Variants in OOSP3 observed in about 807,000 individuals in gnomAD.
OOSP3 encodes oocyte secreted protein family member 3.
chr11:59,896,002 C>G (rs192649147), intron 4 of OOSP3, 131 bp from the exon 5 acceptor site: 20 of 396,220 alleles, frequency 5.0e-5, no homozygotes, highest in East Asian at 7.2e-5. Context: ...ACCCTTCCCT[C>G]TAATCCCTGG....
chr11:59,879,472 A>C (rs1242904833), intron 1 of OOSP3, among the ~76,000 whole-genome samples: 2 of 152,200 alleles, frequency 1.3e-5, no homozygotes, highest in Non-Finnish European at 2.9e-5. Context: ...ATTGGGTAGA[A>C]ATAATACATA....
intron 3 of OOSP3, among the ~76,000 whole-genome samples, chr11:59,894,643 C>A (rs970643636): frequency 2.6e-5 from 4 of 152,204 alleles, no homozygotes; most frequent in Admixed American, 6.5e-5. Flanking sequence ...TCCTGCTTTT[C>A]TCCCATTCCC....
At chr11:59,893,190 G>A (rs1853327554) in intron 2 of OOSP3, among the ~76,000 whole-genome samples, 1 of 151,936 alleles carries the variant, frequency 6.6e-6, no homozygotes, top group Non-Finnish European at 1.5e-5. Flanking sequence ...ATTCTTTTTG[G>A]AAACATTTTA....
intron 2 of OOSP3, among the ~76,000 whole-genome samples, chr11:59,887,531 C>T (rs1853273992): frequency 6.6e-6 from 1 of 152,182 alleles, no homozygotes; most frequent in Non-Finnish European, 1.5e-5. Flanking sequence ...CCAGTTCTCC[C>T]AGCACCATTT....
intron 2 of OOSP3, among the ~76,000 whole-genome samples, chr11:59,893,685 G>A (rs1301589644): frequency 6.6e-6 from 1 of 152,112 alleles, no homozygotes; most frequent in Non-Finnish European, 1.5e-5. Flanking sequence ...TCTCCACAAT[G>A]AGCATGTGTT....
chr11:59,896,070 CCAAGTTTAT>C (rs1370176368), intron 4 of OOSP3, 54 bp from the exon 5 acceptor site: 1 of 397,706 alleles, frequency 2.5e-6, no homozygotes, highest in Non-Finnish European at 4.4e-6. Flanking sequence ...GTTTACTGTG[CCAAGTTTAT>C]CAAGGGGTTA....
intron 2 of OOSP3, among the ~76,000 whole-genome samples, chr11:59,886,545 C>T (rs993595428): frequency 1.3e-5 from 2 of 152,222 alleles, no homozygotes; most frequent in Admixed American, 1.3e-4. Context: ...ACCACACTGT[C>T]TTCCACAATG....
At chr11:59,884,210 G>A (rs1853228342) in intron 2 of OOSP3, among the ~76,000 whole-genome samples, 2 of 152,172 alleles carry the variant, frequency 1.3e-5, no homozygotes, top group South Asian at 4.1e-4. Flanking sequence ...AAGTGAAAAG[G>A]AGGTGGCAAA....
At chr11:59,889,510 A>G (rs542100008) in intron 2 of OOSP3, among the ~76,000 whole-genome samples, 2 of 152,202 alleles carry the variant, frequency 1.3e-5, no homozygotes, top group African/African-American at 4.8e-5. Context: ...TCTTGTTCTC[A>G]TTAGTTTCAA....
At chr11:59,879,505 T>G (rs1853181475) in intron 1 of OOSP3, among the ~76,000 whole-genome samples, 1 of 152,110 alleles carries the variant, frequency 6.6e-6, no homozygotes, top group Admixed American at 6.5e-5. Flanking sequence ...AATTTTGTTA[T>G]TTCTAGTTTT....
At chr11:59,892,127 A>G (rs1853317669) in intron 2 of OOSP3, among the ~76,000 whole-genome samples, 1 of 152,174 alleles carries the variant, frequency 6.6e-6, no homozygotes, top group African/African-American at 2.4e-5. Context: ...TGAGTCTGCA[A>G]ATCTTTGTGC....
At chr11:59,889,080 T>C (rs572844359) in intron 2 of OOSP3, among the ~76,000 whole-genome samples, 3 of 152,318 alleles carry the variant, frequency 2.0e-5, no homozygotes, top group Admixed American at 6.5e-5. Context: ...ATTTTCTAGT[T>C]TGAGGTGTTT....
chr11:59,886,674 G>A (rs1312654486), intron 2 of OOSP3, among the ~76,000 whole-genome samples: 2 of 152,136 alleles, frequency 1.3e-5, no homozygotes, highest in South Asian at 4.1e-4. Flanking sequence ...GTGTGAGAAC[G>A]TATCTCATTG....
intron 2 of OOSP3, among the ~76,000 whole-genome samples, chr11:59,891,596 C>T (rs928008219): frequency 2.6e-5 from 4 of 152,144 alleles, no homozygotes; most frequent in Non-Finnish European, 4.4e-5. Context: ...CTGTTGAGGC[C>T]GCAGAACAGC....
chr11:59,894,435 A>G (rs1409493435), intron 3 of OOSP3, among the ~76,000 whole-genome samples: 1 of 152,158 alleles, frequency 6.6e-6, no homozygotes, highest in Non-Finnish European at 1.5e-5. Flanking sequence ...AGTGATACCA[A>G]CTGGGCTTGG....
intron 2 of OOSP3, among the ~76,000 whole-genome samples, chr11:59,892,072 C>T (rs1355104708): frequency 1.3e-5 from 2 of 152,214 alleles, no homozygotes; most frequent in East Asian, 3.8e-4. Flanking sequence ...AAAACTCCTG[C>T]AGCTCAGTGC....
chr11:59,883,747 A>T (rs185985522), intron 2 of OOSP3, among the ~76,000 whole-genome samples: 36 of 152,352 alleles, frequency 2.4e-4, no homozygotes, highest in African/African-American at 8.4e-4. Context: ...GGACTGCACA[A>T]TAATCCTGTG....
At chr11:59,895,875 C>T (rs539481513) in intron 4 of OOSP3, among the ~76,000 whole-genome samples, 1 of 152,266 alleles carries the variant, frequency 6.6e-6, no homozygotes, top group South Asian at 2.1e-4. Flanking sequence ...TCTCCCTTTA[C>T]CCTAGTTATG....
At chr11:59,882,959 C>A (rs903628358) in intron 2 of OOSP3, among the ~76,000 whole-genome samples, 3 of 152,158 alleles carry the variant, frequency 2.0e-5, no homozygotes, top group Admixed American at 1.3e-4. Context: ...CTCAATACTG[C>A]ATTCTTTTTT....
Sources: gnomAD v4.1 joint callset for allele counts (sites outside exome capture counted in the v4.1 genomes callset) on GRCh38, gnomAD v4.1.1 for gene constraint, MANE v1.5 for transcripts, NCBI Gene and HGNC (gene_info 2026-07-23, HGNC 2026-07-21) for gene names.